Variants in KAZN observed in about 807,000 individuals in gnomAD.
KAZN encodes the protein kazrin.
KAZN carries 40 observed loss-of-function variants against 87.4 expected under a neutral mutation model. The ratio of observed to expected loss-of-function variants is 0.46; its 90% CI spans 0.36 to 0.60. The LOEUF is 0.60. Among genes scored for constraint, KAZN ranks in the 20% least tolerant of loss-of-function variants. The pLI is 0.00. For missense variants in KAZN, 898 were observed against 1,073.9 expected (o/e 0.84, Z 2.29); for synonymous variants, 466 against 458.3 (o/e 1.02, Z -0.22).
chr1:14,682,683 A>G (rs1270100469), intron 1 of KAZN, among the ~76,000 whole-genome samples: 2 of 152,212 alleles, frequency 1.3e-5, no homozygotes, highest in Admixed American at 6.5e-5. Flanking sequence ...AATGTATTCT[A>G]AAAGAAAACA....
In KAZN at chr1:15,021,866, A is replaced by G. The variant is rs1319556633; in HGVS notation, c.419-12883A>G. On this transcript the variant is annotated intron_variant, in intron 2 of 14. Transcript: ENST00000376030. The surrounding 1 kb of genome is among the most constrained non-coding windows in gnomAD (Gnocchi z 4.2). ...TGCTGATAAAGACATACCCGAGACT[A>G]GGACATTTACAAAGAAAAAGAGGTT... Among the ~76,000 whole-genome samples, 1 of 151,700 alleles carries G rather than the reference A, an allele frequency of 6.6e-6. No individual in the cohort carries two copies. Among genetic ancestry groups the G allele is most frequent in the Non-Finnish European group, 1.5e-5 (1 of 67,880 alleles).
intron 1 of KAZN, among the ~76,000 whole-genome samples, chr1:14,920,958 C>T (rs1007564509): frequency 9.9e-5 from 15 of 152,146 alleles, no homozygotes; most frequent in African/African-American, 3.6e-4. Flanking sequence ...TAATGTACCT[C>T]CCCACCCAAG....
At chr1:14,448,452 C>T (rs886406344) in intron 2 of KAZN, among the ~76,000 whole-genome samples, 1 of 152,236 alleles carries the variant, frequency 6.6e-6, no homozygotes, top group Non-Finnish European at 1.5e-5. Context: ...TCCTCCATCA[C>T]CAAGATGAAT....
chr1:14,728,893 T>C (rs540869882), intron 1 of KAZN, among the ~76,000 whole-genome samples: 67 of 152,310 alleles, frequency 4.4e-4, no homozygotes, highest in Non-Finnish European at 9.1e-4. Context: ...GCATGTGAGT[T>C]TGGCCTCCGT....
intron 1 of KAZN, among the ~76,000 whole-genome samples, chr1:14,109,704 C>T (rs890390248): frequency 2.0e-5 from 3 of 152,146 alleles, no homozygotes; most frequent in Non-Finnish European, 4.4e-5. Context: ...AGGGTAATTA[C>T]TCTAATTTGC....
intron 1 of KAZN, among the ~76,000 whole-genome samples, chr1:14,657,431 C>T (rs1324190471): frequency 6.6e-6 from 1 of 152,140 alleles, no homozygotes; most frequent in Non-Finnish European, 1.5e-5. Context: ...GCTTCTGCTA[C>T]AATATATCAG....
At chr1:14,391,937 G>T (rs1662472555) in intron 2 of KAZN, among the ~76,000 whole-genome samples, 1 of 152,154 alleles carries the variant, frequency 6.6e-6, no homozygotes, top group African/African-American at 2.4e-5. Context: ...GACCGTACTT[G>T]CACTCATAAT....
At position 14,663,277 on chromosome 1, in the gene KAZN, A is replaced by G. The variant is rs1332155595; in HGVS notation, c.226+64054A>G. 2.6e-5 allele frequency among the ~76,000 whole-genome samples: 4 copies of G among 152,280 alleles called. No homozygotes were observed. The East Asian group carries it at 7.7e-4, about 29-fold the overall frequency. The stretch of plus-strand genomic sequence containing the variant: ...CAGGCACACCCAGCAATGTGTGTAT[A>G]TCTTTTAAGTAGTACATGGGAGGCA... On this transcript the variant is annotated intron_variant, in intron 1 of 14. Transcript: ENST00000376030.
intron 1 of KAZN, among the ~76,000 whole-genome samples, chr1:14,884,984 G>T (rs1653869679): frequency 2.0e-5 from 3 of 152,230 alleles, no homozygotes; most frequent in Admixed American, 2.0e-4. Context: ...GTATCGTAAT[G>T]CTGTGCTCAC....
Position 14,226,672 on chromosome 1 carries a change from C to T in KAZN, c.249+46080C>T, listed in dbSNP as rs565428420. 1.7e-3 allele frequency among the ~76,000 whole-genome samples: 263 copies of T among 152,246 alleles called. 6 individuals are homozygous for T. The East Asian group carries it at 0.04, about 23-fold the overall frequency. On this transcript the variant is annotated intron_variant, in intron 2 of 16. Coordinates refer to the KAZN transcript ENST00000636203. Reference sequence around the variant, plus strand: ...AACCTGGATTCCCATCAACAGTGGACTGGATAAAGAGAACATGGTACATAT... The same window carrying T: ...AACCTGGATTCCCATCAACAGTGGATTGGATAAAGAGAACATGGTACATAT...
intron 2 of KAZN, among the ~76,000 whole-genome samples, chr1:14,206,017 A>G (rs1646737091): frequency 1.3e-5 from 2 of 151,988 alleles, no homozygotes; most frequent in Non-Finnish European, 2.9e-5. Flanking sequence ...AACTTAAAGT[A>G]TAATAAATAA....
chr1:14,334,390 A>AAG (rs1657078457), intron 2 of KAZN, among the ~76,000 whole-genome samples: 5 of 142,500 alleles, frequency 3.5e-5, no homozygotes, highest in Admixed American at 2.8e-4. Flanking sequence ...AAAAAAAAAA[A>AAG]GGAAATGGGA....
At chr1:14,365,129 C>T (rs565385647) in intron 2 of KAZN, among the ~76,000 whole-genome samples, 15 of 151,886 alleles carry the variant, frequency 9.9e-5, no homozygotes, top group Admixed American at 5.2e-4. Context: ...CTGCAAACTC[C>T]GCCTCCCGGG....
chr1:14,397,122 G>C (rs1050693914), intron 2 of KAZN, among the ~76,000 whole-genome samples: 2 of 152,096 alleles, frequency 1.3e-5, no homozygotes, highest in Admixed American at 6.5e-5. Flanking sequence ...CTCTCTCTCT[G>C]TAGCTATAGT....
At chr1:14,826,772 C>G (rs764015469) in intron 1 of KAZN, among the ~76,000 whole-genome samples, 2 of 152,152 alleles carry the variant, frequency 1.3e-5, no homozygotes, top group Non-Finnish European at 2.9e-5. Flanking sequence ...TTTCCTGTTT[C>G]CCATTGGTAA....
chr1:14,150,976 A>T (rs1645460180), intron 1 of KAZN, among the ~76,000 whole-genome samples: 1 of 152,084 alleles, frequency 6.6e-6, no homozygotes, highest in African/African-American at 2.4e-5. Flanking sequence ...ACACACACAC[A>T]CACACGTGTG....
rs145021488 is a variant in KAZN, at chr1:14,408,853, A to G, written c.250-190130A>G. Among the ~76,000 whole-genome samples, 208 of 152,038 alleles carry G rather than the reference A, an allele frequency of 1.4e-3. 7 individuals are homozygous for G. The East Asian group carries it at 0.034, about 25-fold the overall frequency. ...ACACAAATAAATAATCAAGGCAAATATGGATTGTGATCAATTCCATGAAAG... is the reference window on the plus strand; with the variant it reads ...ACACAAATAAATAATCAAGGCAAATGTGGATTGTGATCAATTCCATGAAAG... On this transcript the variant is annotated intron_variant, in intron 2 of 16. Transcript: ENST00000636203.
intron 2 of KAZN, among the ~76,000 whole-genome samples, chr1:14,466,659 TTA>T (rs1491144981): frequency 8.8e-6 from 1 of 113,976 alleles, no homozygotes; most frequent in Non-Finnish European, 1.8e-5. Flanking sequence ...AAAACTAAAT[TTA>T]AAAAAAAAAA....
intron 1 of KAZN, among the ~76,000 whole-genome samples, chr1:14,113,200 G>A (rs184446945): frequency 6.6e-6 from 1 of 152,296 alleles, no homozygotes; most frequent in East Asian, 1.9e-4. Context: ...GGTGACAGCA[G>A]TAAAGTCACT....
Sources: gnomAD v4.1 joint callset for allele counts (sites outside exome capture counted in the v4.1 genomes callset) on GRCh38, gnomAD v4.1.1 for gene constraint, Gnocchi (gnomAD v3.1) non-coding constraint, MANE v1.5 for transcripts, NCBI Gene and HGNC (gene_info 2026-07-23, HGNC 2026-07-21) for gene names.